PRDM16: variants seen among roughly 807,000 people sequenced by gnomAD.
The protein encoded by PRDM16 is histone-lysine N-methyltransferase PRDM16.
Under a neutral mutation model 110.6 loss-of-function variants are expected in PRDM16, and 23 were observed. The ratio of observed to expected loss-of-function variants is 0.21; its 90% CI spans 0.15 to 0.29. The LOEUF is 0.29. PRDM16 is among the 10% of genes least tolerant of loss of function. PRDM16 has a pLI of 1.00. For missense variants in PRDM16, 1,615 were observed against 1,794.3 expected (o/e 0.90, Z 1.81); for synonymous variants, 799 against 781.8 (o/e 1.02, Z -0.37).
At chr1:3,092,680 GC>G (rs1271208019) in intron 1 of PRDM16, among the ~76,000 whole-genome samples, 1 of 152,138 alleles carries the variant, frequency 6.6e-6, no homozygotes, top group Non-Finnish European at 1.5e-5. Flanking sequence ...GCGCCTGGGT[GC>G]GGGGAGCCTC....
chr1:3,251,503 G>T (rs1639931848), intron 3 of PRDM16, among the ~76,000 whole-genome samples: 2 of 152,274 alleles, frequency 1.3e-5, no homozygotes, highest in South Asian at 4.1e-4. Context: ...AGGGTAGGGG[G>T]CCCCTGGGCA....
intron 1 of PRDM16, among the ~76,000 whole-genome samples, chr1:3,085,851 T>C (rs927413918): frequency 6.6e-6 from 1 of 152,242 alleles, no homozygotes; most frequent in Non-Finnish European, 1.5e-5. Context: ...TGGGCACAGC[T>C]GTGGGAGCCC....
At chr1:3,242,952 T>A (rs1028802696) in intron 2 of PRDM16, among the ~76,000 whole-genome samples, 3 of 152,190 alleles carry the variant, frequency 2.0e-5, no homozygotes, top group Non-Finnish European at 4.4e-5. Flanking sequence ...CTAGAGCTCA[T>A]TTGTCAGTTT....
chr1:3,324,000 A>C (rs1407971178), intron 3 of PRDM16, among the ~76,000 whole-genome samples: 1 of 152,184 alleles, frequency 6.6e-6, no homozygotes, highest in Non-Finnish European at 1.5e-5. Context: ...AAGGAAAGAA[A>C]GAGCTTGCAG....
At position 3,297,432 on chromosome 1, in the gene PRDM16, A is replaced by G. The variant is rs1340344450; in HGVS notation, c.438+53295A>G. On this transcript the variant is annotated intron_variant, in intron 3 of 16. Coordinates refer to ENST00000270722, the MANE Select transcript of PRDM16 (RefSeq NM_022114.4). ...CTGAGTAGCTGGGACCTCAGGTGCC[A>G]GCCACCACACATGGCTAATTTTTGT... 2.6e-5 allele frequency among the ~76,000 whole-genome samples: 4 copies of G among 152,112 alleles called. No homozygotes were observed. The East Asian group carries it at 5.8e-4, about 22-fold the overall frequency.
In PRDM16 at chr1:3,436,656, G is replaced by A; in HGVS notation, c.*2845G>A. 1 of 228,240 alleles carries A rather than the reference G, an allele frequency of 4.4e-6. No individual in the cohort carries two copies. The highest frequency in any genetic ancestry group is 6.2e-5 in the East Asian group (1 of 16,094). 14.1% of individuals were successfully genotyped at this position (228,240 alleles called of 1,614,324 possible). A position where few individuals can be genotyped will look rare whatever the true frequency, so the allele number is the denominator to read the frequency against. On this transcript the variant is annotated 3_prime_UTR_variant, in exon 17 of 17. Transcript: ENST00000270722. The stretch of plus-strand genomic sequence containing the variant: ...CCTCCCAGTTTTGCTCTGCCCAGCA[G>A]TGTTGGTGCCCAGAGATGACAAGGG...
chr1:3,267,517 G>A (rs904966022), intron 3 of PRDM16, among the ~76,000 whole-genome samples: 1 of 152,212 alleles, frequency 6.6e-6, no homozygotes, highest in Non-Finnish European at 1.5e-5. Flanking sequence ...AGCGCCCTGG[G>A]TCTGGGATGG....
chr1:3,409,412 C>T (rs1480541242), intron 8 of PRDM16, among the ~76,000 whole-genome samples: 2 of 152,120 alleles, frequency 1.3e-5, no homozygotes, highest in African/African-American at 4.8e-5. Flanking sequence ...GTTCTTCTCC[C>T]CTCAGCCTTG....
chr1:3,367,094 G>A (rs58140344), intron 3 of PRDM16, among the ~76,000 whole-genome samples: 7 of 152,036 alleles, frequency 4.6e-5, no homozygotes, highest in South Asian at 2.1e-4. Context: ...ATGGTGAAAC[G>A]TCATCTCTAC....
At position 3,190,443 on chromosome 1, in the gene PRDM16, C is replaced by G. The variant is rs1569809450; in HGVS notation, c.387+3969C>G. On this transcript the variant is annotated intron_variant, in intron 2 of 16. Coordinates refer to ENST00000270722, the MANE Select transcript of PRDM16 (RefSeq NM_022114.4). The surrounding 1 kb of genome is among the most constrained non-coding windows in gnomAD (Gnocchi z 5.0). ...TTTTGGGAGGGCCGCCCCCTCCTCT[C>G]TCCCTCCTGTGTGTTAGGAATAGTC... Among the ~76,000 whole-genome samples the G allele has an allele frequency of 6.6e-6, 1 of 152,206 alleles. No individual in the cohort carries two copies. Among genetic ancestry groups the G allele is most frequent in the African/African-American group, 2.4e-5 (1 of 41,454 alleles).
intron 1 of PRDM16, among the ~76,000 whole-genome samples, chr1:3,152,059 C>T (rs905178359): frequency 6.6e-6 from 1 of 152,208 alleles, no homozygotes; most frequent in African/African-American, 2.4e-5. Context: ...AGAATGGCCT[C>T]ATCCTCACTG....
chr1:3,133,521 A>C (rs34733164), intron 1 of PRDM16: 3,809 of 152,402 alleles, frequency 0.025, 78 homozygotes, highest in Non-Finnish European at 0.036. Context: ...ACTGCTCCCC[A>C]ATCGGCCGCC....
At chr1:3,146,991 T>TGTGTGCTCGGTGTGGGGGGTGTGCGCAC (rs1643680713) in intron 1 of PRDM16, among the ~76,000 whole-genome samples, 1 of 91,250 alleles carries the variant, frequency 1.1e-5, no homozygotes, top group African/African-American at 5.1e-5. Context: ...TGTGTGTGCA[T>TGTGTGCTCGGTGTGGGGGGTGTGCGCAC]GTGTGTGCTT....
chr1:3,363,947 T>C (rs1557634381), intron 3 of PRDM16, among the ~76,000 whole-genome samples: 1 of 151,696 alleles, frequency 6.6e-6, no homozygotes, highest in Non-Finnish European at 1.5e-5. Flanking sequence ...CAGCCCTTCA[T>C]GAGTTAAAGG....
At chr1:3,263,970 G>C (rs1314527990) in intron 3 of PRDM16, among the ~76,000 whole-genome samples, 1 of 152,128 alleles carries the variant, frequency 6.6e-6, no homozygotes, top group Non-Finnish European at 1.5e-5. Context: ...TCATCCGAGG[G>C]TTCCAGGGCT....
intron 3 of PRDM16, among the ~76,000 whole-genome samples, chr1:3,296,510 G>A (rs1405635440): frequency 6.6e-6 from 1 of 152,220 alleles, no homozygotes; most frequent in African/African-American, 2.4e-5. Flanking sequence ...CCTAACCCGG[G>A]GCCTCGTGTT....
chr1:3,407,602 G>A (rs981990912), intron 8 of PRDM16, among the ~76,000 whole-genome samples: 19 of 152,208 alleles, frequency 1.2e-4, no homozygotes, highest in African/African-American at 3.9e-4. Context: ...AGATGACAAC[G>A]TGGAGTTCTA....
At chr1:3,347,751 C>T (rs577484769) in intron 3 of PRDM16, among the ~76,000 whole-genome samples, 27 of 152,198 alleles carry the variant, frequency 1.8e-4, no homozygotes, top group East Asian at 5.8e-4. Context: ...GTGAGAGCTG[C>T]GGGCTCCCCT....
chr1:3,384,810 C>T (rs1170897483), intron 3 of PRDM16, among the ~76,000 whole-genome samples: 1 of 152,246 alleles, frequency 6.6e-6, no homozygotes, highest in African/African-American at 2.4e-5. Context: ...TGCAGCAGTC[C>T]CTGCCTTCTC....
Sources: allele counts gnomAD v4.1 joint callset (sites outside exome capture counted in the v4.1 genomes callset), GRCh38; gene constraint gnomAD v4.1.1; non-coding constraint Gnocchi (gnomAD v3.1); transcripts MANE v1.5; gene names NCBI Gene and HGNC (gene_info 2026-07-23, HGNC 2026-07-21).